The following SLC35F3 variants were observed in gnomAD, a reference collection of about 807,000 sequenced individuals.
SLC35F3 encodes putative thiamine transporter SLC35F3.
In SLC35F3, 25 loss-of-function variants were observed where a neutral mutation model predicts 49.9. The observed-to-expected ratio is 0.50, with a 90% CI of 0.37 to 0.70. The LOEUF is 0.70. SLC35F3 is among the 30% of genes least tolerant of loss of function. SLC35F3 has a pLI of 0.00. For synonymous variants in SLC35F3, 275 were observed against 265.4 expected, an observed-to-expected ratio of 1.04 and a Z score of -0.35; for missense variants, 525 against 639.8, an observed-to-expected ratio of 0.82 and a Z score of 1.94.
Position 234,231,486 on chromosome 1 carries a change from G to A in SLC35F3, c.353G>A (p.Gly118Glu). 6.2e-7 allele frequency: 1 copy of A among 1,612,386 alleles called. No homozygotes were observed. The highest frequency in any genetic ancestry group is 8.5e-7 in the Non-Finnish European group (1 of 1,179,254). Residue 118 changes from glycine to glutamate, a missense_variant, in exon 3 of 8, where the codon GGG becomes GAG. By Grantham distance (98) the Gly-to-Glu change is moderately conservative. Coordinates refer to ENST00000366618, the MANE Select transcript of SLC35F3 (RefSeq NM_173508.4). The surrounding 1 kb of genome is among the most constrained non-coding windows in gnomAD (Gnocchi z 5.4). The part of the protein sequence containing the change: ...AQAPAGVEAG[G>E]RASRRCWTCS... ...GCACCGGCCGGGGTGGAGGCCGGCG[G>A]GAGAGCGAGTCGCCGCTGCTGGACG... is the stretch of plus-strand genomic sequence containing the variant.
At chr1:233,983,258 A>T (rs12143961) in intron 2 of SLC35F3, among the ~76,000 whole-genome samples, 20,433 of 152,230 alleles carry the variant, frequency 0.13, 1,764 homozygotes, top group Admixed American at 0.22. Context: ...TTAAGATTAA[A>T]AAAAAATTAA....
chr1:234,322,472 A>C (rs1657644490), intron 7 of SLC35F3, among the ~76,000 whole-genome samples: 1 of 152,200 alleles, frequency 6.6e-6, no homozygotes, highest in Admixed American at 6.5e-5. Flanking sequence ...CTACTTGTTA[A>C]GTGGAAGTGG....
chr1:233,905,445 C>A, intron 1 of SLC35F3, 84 bp from the exon 2 acceptor site: 1 of 1,065,948 alleles, frequency 9.4e-7, no homozygotes, highest in Non-Finnish European at 1.3e-6. Flanking sequence ...TGCTCTCGCC[C>A]TGGGATCTGC....
At chr1:234,041,976 C>G (rs560205856) in intron 2 of SLC35F3, among the ~76,000 whole-genome samples, 1 of 152,240 alleles carries the variant, frequency 6.6e-6, no homozygotes, top group East Asian at 1.9e-4. Context: ...GTGCATGTCC[C>G]CCTTATGGCA....
chr1:234,275,763 A>ATAT (rs1553260466), intron 3 of SLC35F3, among the ~76,000 whole-genome samples: 2,493 of 135,478 alleles, frequency 0.018, 25 homozygotes, highest in Non-Finnish European at 0.022. Context: ...AAAAAAAAAA[A>ATAT]ATATATATAT....
At chr1:234,236,508 G>C (rs771942539) in intron 3 of SLC35F3, among the ~76,000 whole-genome samples, 2 of 152,066 alleles carry the variant, frequency 1.3e-5, no homozygotes, top group Non-Finnish European at 2.9e-5. Flanking sequence ...TCTAGGTGCC[G>C]AAGGAGAAGG....
chr1:233,955,336 T>C (rs948528880), intron 2 of SLC35F3, among the ~76,000 whole-genome samples: 22 of 152,166 alleles, frequency 1.4e-4, no homozygotes, highest in Non-Finnish European at 3.1e-4. Flanking sequence ...ACTTCCTTTA[T>C]CTTTTTCTCT....
At chr1:233,991,617 A>G (rs573396855) in intron 2 of SLC35F3, among the ~76,000 whole-genome samples, 1 of 152,232 alleles carries the variant, frequency 6.6e-6, no homozygotes, top group Admixed American at 6.5e-5. Flanking sequence ...CTATAGTGTT[A>G]AGGAAAACTT....
intron 2 of SLC35F3, among the ~76,000 whole-genome samples, chr1:234,142,620 G>T (rs1329525496): frequency 6.6e-6 from 1 of 152,126 alleles, no homozygotes; most frequent in African/African-American, 2.4e-5. Context: ...TGGGAAGTGG[G>T]GTCAGGCTCT....
intron 2 of SLC35F3, among the ~76,000 whole-genome samples, chr1:234,206,465 T>G (rs1232627716): frequency 1.0e-4 from 9 of 89,934 alleles, no homozygotes; most frequent in South Asian, 4.5e-4. Flanking sequence ...TTCCTGGGGG[T>G]GGGGGGGACT....
chr1:233,978,707 A>T (rs1663131073), intron 2 of SLC35F3, among the ~76,000 whole-genome samples: 2 of 152,152 alleles, frequency 1.3e-5, no homozygotes, highest in African/African-American at 4.8e-5. Context: ...CTCTGATCTC[A>T]TCCAGAAAGT....
At chr1:234,313,608 TG>T (rs987771549) in intron 4 of SLC35F3, among the ~76,000 whole-genome samples, 1 of 151,960 alleles carries the variant, frequency 6.6e-6, no homozygotes, top group African/African-American at 2.4e-5. Flanking sequence ...CATTGAGGGC[TG>T]GGGGGGACAG....
intron 2 of SLC35F3, among the ~76,000 whole-genome samples, chr1:234,098,361 ATGG>A (rs1467842076): frequency 7.6e-6 from 1 of 131,688 alleles, no homozygotes; most frequent in Non-Finnish European, 1.6e-5. Flanking sequence ...GGCAGTTCAG[ATGG>A]TGGTGGTAGT....
chr1:234,229,713 AC>A (rs1667337746), intron 2 of SLC35F3, among the ~76,000 whole-genome samples: 1 of 151,950 alleles, frequency 6.6e-6, no homozygotes, highest in Admixed American at 6.6e-5. Flanking sequence ...ATAGTGACAA[AC>A]CCCTCTAACC....
At chr1:233,969,070 G>GGA (rs1553292584) in intron 2 of SLC35F3, among the ~76,000 whole-genome samples, 3 of 146,292 alleles carry the variant, frequency 2.1e-5, no homozygotes, top group Middle Eastern at 3.6e-3. Context: ...TGGGGGGGGG[G>GGA]ACACAATTCA....
At chr1:234,304,042 CTTCT>C (rs761331292) in intron 3 of SLC35F3, among the ~76,000 whole-genome samples, 15,565 of 43,408 alleles carry the variant, frequency 0.36, 1,708 homozygotes, top group African/African-American at 0.51. Context: ...TCCTTCCTTC[CTTCT>C]TTCTTTCCTT....
intron 2 of SLC35F3, among the ~76,000 whole-genome samples, chr1:234,001,268 G>A (rs944681724): frequency 1.3e-5 from 2 of 152,146 alleles, no homozygotes; most frequent in Admixed American, 6.6e-5. Context: ...TCTTTTTAAT[G>A]TATCAAGGAA....
chr1:234,153,001 T>C (rs1159633906), intron 2 of SLC35F3, among the ~76,000 whole-genome samples: 1 of 152,226 alleles, frequency 6.6e-6, no homozygotes, highest in Non-Finnish European at 1.5e-5. Flanking sequence ...TTTTTTCATA[T>C]GTATGTTGGC....
chr1:234,242,237 C>G (rs1667564585), intron 3 of SLC35F3, among the ~76,000 whole-genome samples: 1 of 152,224 alleles, frequency 6.6e-6, no homozygotes, highest in African/African-American at 2.4e-5. Context: ...CAAGCATGAA[C>G]CAGAACAGAT....
Sources: gnomAD v4.1 joint callset for allele counts (sites outside exome capture counted in the v4.1 genomes callset) on GRCh38, gnomAD v4.1.1 for gene constraint, Gnocchi (gnomAD v3.1) non-coding constraint, MANE v1.5 for transcripts, NCBI Gene and HGNC (gene_info 2026-07-23, HGNC 2026-07-21) for gene names.